SLC9A7: variants seen among roughly 807,000 people sequenced by gnomAD.
SLC9A7 encodes solute carrier family 9 member A7.
Under a neutral mutation model 52.6 loss-of-function variants are expected in SLC9A7, and 19 were observed. The ratio of observed to expected loss-of-function variants is 0.36; its 90% CI spans 0.25 to 0.53. The LOEUF (loss-of-function observed/expected upper bound fraction) is 0.53. SLC9A7 is among the 20% of genes least tolerant of loss of function. The pLI is 0.91. For missense variants in SLC9A7, 455 were observed against 597.9 expected (o/e 0.76, Z 2.49); for synonymous variants, 226 against 252.1 (o/e 0.90, Z 0.98).
chrX:46,670,331 C>T (rs142712254), intron 4 of SLC9A7, among the ~76,000 whole-genome samples: 1,606 of 112,019 alleles, frequency 0.014, 13 homozygotes, highest in South Asian at 0.024. Flanking sequence ...CAGCAATAGC[C>T]CTCCTTATGC....
intron 7 of SLC9A7, among the ~76,000 whole-genome samples, chrX:46,661,531 C>T (rs1012941388): frequency 9.0e-6 from 1 of 111,711 alleles, no homozygotes; most frequent in African/African-American, 3.3e-5. Flanking sequence ...GGGATGCCTG[C>T]TCTTTCCACA....
chrX:46,657,801 T>C (rs1464943667), intron 7 of SLC9A7, among the ~76,000 whole-genome samples: 1 of 109,910 alleles, frequency 9.1e-6, no homozygotes, highest in Non-Finnish European at 1.9e-5. Context: ...TTGTCAACAT[T>C]AGACAGATCA....
intron 1 of SLC9A7, among the ~76,000 whole-genome samples, chrX:46,702,758 T>C (rs1438334013): frequency 8.9e-6 from 1 of 112,454 alleles, no homozygotes; most frequent in Non-Finnish European, 1.9e-5. Context: ...AATGCATGTG[T>C]CTTTATAATA....
intron 11 of SLC9A7, among the ~76,000 whole-genome samples, chrX:46,644,490 G>T (rs1268954757): frequency 1.8e-5 from 2 of 111,300 alleles, no homozygotes; most frequent in Non-Finnish European, 3.8e-5. Flanking sequence ...ACAAAAATTG[G>T]CCAGGCATGA....
intron 1 of SLC9A7, among the ~76,000 whole-genome samples, chrX:46,700,049 G>A (rs1164610049): frequency 1.8e-5 from 2 of 109,160 alleles, no homozygotes; most frequent in African/African-American, 6.7e-5. Flanking sequence ...AAGCTTCAGT[G>A]AGCCGTGATT....
intron 1 of SLC9A7, chrX:46,685,073 G>A (rs1944273306): frequency 8.9e-6 from 1 of 112,036 alleles, no homozygotes; most frequent in Non-Finnish European, 1.9e-5. Context: ...GTCTCTGCAA[G>A]GGAGGAGGCA....
At chrX:46,696,277 C>T (rs1431656443) in intron 1 of SLC9A7, among the ~76,000 whole-genome samples, 1 of 111,038 alleles carries the variant, frequency 9.0e-6, no homozygotes, top group Non-Finnish European at 1.9e-5. Flanking sequence ...TGAGCGACTG[C>T]GCCCAGCCTC....
rs781941349 is a variant in SLC9A7 at position 46,758,686 on chromosome X, G to T, written c.325+19C>A. 373 of 1,095,480 alleles carry T rather than the reference G, an allele frequency of 3.4e-4. No homozygotes were observed. The highest frequency in any genetic ancestry group is 4.3e-4 in the Non-Finnish European group (357 of 824,604). The allele number at this position is 1,095,480 out of a possible 1,213,427, so 90.3% of individuals were successfully genotyped here. The stretch of plus-strand genomic sequence containing the variant: ...GGCCGAGGGGTGTGGAGGGCGGGGG[G>T]TGTAACAGGGGTGCTCACCATAGAT... On this transcript the variant is annotated intron_variant, in intron 1 of 16. Transcript: ENST00000616978.
At chrX:46,702,618 T>C (rs886132079) in intron 1 of SLC9A7, among the ~76,000 whole-genome samples, 1 of 112,269 alleles carries the variant, frequency 8.9e-6, no homozygotes, top group African/African-American at 3.2e-5. Flanking sequence ...GTAATCTTGT[T>C]CTTTTTTATG....
chrX:46,675,067 GT>G lies in SLC9A7; in HGVS notation c.604-2441del, dbSNP rs1311650983. ...AGAAAGAGAGAGAGAGTGAATGTGT[GT>G]GTGTGTGTGTGTGTGTGTGTGTGTG... On this transcript the variant is annotated intron_variant, in intron 3 of 16. Coordinates refer to ENST00000616978, the MANE Select transcript of SLC9A7 (RefSeq NM_001257291.2). Among the ~76,000 whole-genome samples the G allele has an allele frequency of 7.0e-5, 3 of 42,951 alleles. No homozygotes were observed. In the African/African-American group the frequency reaches 2.0e-3, roughly 28 times the overall value. 37.3% of individuals were successfully genotyped at this position (42,951 alleles called of 115,157 possible).
chrX:46,639,715 A>AG (rs1342299879), intron 12 of SLC9A7, among the ~76,000 whole-genome samples: 19 of 109,060 alleles, frequency 1.7e-4, no homozygotes, highest in African/African-American at 5.7e-4. Context: ...TTGAAAAGGA[A>AG]GGAAAAAAAA....
At chrX:46,724,340 T>C (rs1307155139) in intron 1 of SLC9A7, among the ~76,000 whole-genome samples, 1 of 111,797 alleles carries the variant, frequency 8.9e-6, no homozygotes, top group Non-Finnish European at 1.9e-5. Flanking sequence ...TAGTAAATGG[T>C]AGACCCAGGG....
rs377483255 is a variant in SLC9A7, at chrX:46,663,391, C to A, written c.794-748G>T. Among the ~76,000 whole-genome samples, 3 of 108,975 alleles carry A rather than the reference C, an allele frequency of 2.8e-5. No homozygotes were observed. The East Asian group carries it at 8.7e-4, about 31-fold the overall frequency. The allele number at this position is 108,975 out of a possible 115,157, so 94.6% of individuals were successfully genotyped here. On this transcript the variant is annotated intron_variant, in intron 5 of 16. Coordinates refer to ENST00000616978, the MANE Select transcript of SLC9A7 (RefSeq NM_001257291.2). ...TGGTGGCTTACGCCTGTAATCCCAG[C>A]ACTTTGGGAGGCCGAGGCGGGTGGA...
chrX:46,628,448 G>A (rs1943171859), intron 14 of SLC9A7, among the ~76,000 whole-genome samples: 1 of 111,591 alleles, frequency 9.0e-6, no homozygotes, highest in Admixed American at 9.5e-5. Context: ...CTTACCAGGG[G>A]ACACAAAGCT....
At chrX:46,722,734 A>G (rs1944879292) in intron 1 of SLC9A7, among the ~76,000 whole-genome samples, 1 of 111,822 alleles carries the variant, frequency 8.9e-6, no homozygotes, top group African/African-American at 3.3e-5. Context: ...TCACACTGGG[A>G]TTGCAATTTA....
intron 1 of SLC9A7, among the ~76,000 whole-genome samples, chrX:46,715,621 G>A (rs1165660498): frequency 8.9e-6 from 1 of 111,921 alleles, no homozygotes; most frequent in East Asian, 2.8e-4. Context: ...TCAGTCTTGA[G>A]AAGCCTTATA....
At position 46,758,774 on chromosome X, in the gene SLC9A7, G is replaced by C. The variant is rs782428903; in HGVS notation, c.256C>G (p.Leu86Val). 14 of 1,204,473 alleles carry C rather than the reference G, an allele frequency of 1.2e-5. No homozygotes were observed. Among genetic ancestry groups the C allele is most frequent in the Non-Finnish European group, 1.6e-5 (14 of 891,879 alleles). The change falls in exon 1 of 17, where the codon CTC becomes GTC. Residue 86 changes from leucine to valine, a missense_variant. Physicochemically the swap from Leu to Val is conservative, Grantham distance 32 (BLOSUM62 1). Coordinates refer to ENST00000616978, the MANE Select transcript of SLC9A7 (RefSeq NM_001257291.2). ...CGGTGCTTGAAGAGCCAGATGGTGA[G>C]GATGGTGAGCGTGAGCAGCAGGATG... ...TFILLLTLTI[L>V]TIWLFKHRRV...
chrX:46,748,364 A>AAGGAAGGAAGGAAGG (rs1921956088), intron 1 of SLC9A7, among the ~76,000 whole-genome samples: 6 of 51,264 alleles, frequency 1.2e-4, no homozygotes, highest in East Asian at 5.9e-4. Context: ...AAAAAGAAAG[A>AAGGAAGGAAGGAAGG]AAGGAAGGAA....
chrX:46,715,178 G>A (rs933586231), intron 1 of SLC9A7, among the ~76,000 whole-genome samples: 1 of 111,696 alleles, frequency 9.0e-6, no homozygotes, highest in African/African-American at 3.3e-5. Context: ...CTCTCAATAA[G>A]TATCCTAAAA....
Sources: allele counts gnomAD v4.1 joint callset (sites outside exome capture counted in the v4.1 genomes callset), GRCh38; gene constraint gnomAD v4.1.1; transcripts MANE v1.5; gene names NCBI Gene and HGNC (gene_info 2026-07-23, HGNC 2026-07-21).